The following WDFY3 variants were observed in gnomAD, a reference collection of about 807,000 sequenced individuals.
WDFY3 encodes the protein WD repeat and FYVE domain-containing protein 3.
Under a neutral mutation model 409.6 loss-of-function variants are expected in WDFY3, and 66 were observed. The ratio of observed to expected loss-of-function variants is 0.16; its 90% confidence interval spans 0.13 to 0.20. The LOEUF (loss-of-function observed/expected upper bound fraction) is 0.20, where lower values mean the gene tolerates loss of function less well. Among genes scored for constraint, WDFY3 ranks in the 10% least tolerant of loss-of-function variants. The pLI is 1.00. For missense variants in WDFY3, 3,031 were observed against 4,298.1 expected (o/e 0.71, Z 8.24); for synonymous variants, 1,521 against 1,537.1 (o/e 0.99, Z 0.25).
At chr4:84,735,182 T>G in intron 42 of WDFY3, 62 bp from the exon 43 acceptor site, 1 of 1,446,088 alleles carries the variant, frequency 6.9e-7, no homozygotes, top group Non-Finnish European at 9.5e-7. Flanking sequence ...AATAGTTAAT[T>G]ACCCTTGAAA....
chr4:84,896,009 G>A (rs1411555489), intron 3 of WDFY3, among the ~76,000 whole-genome samples: 1 of 152,086 alleles, frequency 6.6e-6, no homozygotes, highest in Non-Finnish European at 1.5e-5. Flanking sequence ...TGTAATCCCA[G>A]CACTTTGGGA....
At position 84,918,850 on chromosome 4, in the gene WDFY3, CAT is replaced by C. The variant is rs529751700; in HGVS notation, c.-132+13418_-132+13419del. 2.1e-3 allele frequency among the ~76,000 whole-genome samples: 309 copies of C among 149,636 alleles called. 1 individual carries two copies. Among genetic ancestry groups the C allele is most frequent in the African/African-American group, 5.4e-3 (222 of 40,802 alleles). On this transcript the variant is annotated intron_variant, in intron 2 of 67. Transcript: ENST00000295888. The stretch of plus-strand genomic sequence containing the variant: ...ATAGATATATATATACACACACACA[CAT>C]ATATATATATACACACACACATGTG...
At chr4:84,847,489 G>A (rs559953903) in intron 5 of WDFY3, among the ~76,000 whole-genome samples, 7 of 151,482 alleles carry the variant, frequency 4.6e-5, no homozygotes, top group East Asian at 1.9e-4. Context: ...AGAAACCGCC[G>A]GGCGCAGTGG....
chr4:84,751,514 T>C lies in WDFY3; in HGVS notation c.5942A>G (p.Lys1981Arg). 1 of 1,614,242 alleles carries C rather than the reference T, an allele frequency of 6.2e-7. No homozygotes were observed. The highest frequency in any genetic ancestry group is 8.5e-7 in the Non-Finnish European group (1 of 1,180,038). ...IDNLCLTPAS[K>R]QTPLIDLLLE... The stretch of plus-strand genomic sequence containing the variant: ...CAAAAGATCAATTAGTGGAGTTTGC[T>C]TGCTGGCAGGAGTGAGACAGAGGTT... The change falls in exon 36 of 68, where the codon AAG becomes AGG. Residue 1981 changes from lysine (K) to arginine (R), a missense_variant. Physicochemically the swap from Lys to Arg is conservative, Grantham distance 26. Transcript: ENST00000295888.
chr4:84,900,158 A>G (rs1766161311), intron 2 of WDFY3, among the ~76,000 whole-genome samples: 1 of 152,232 alleles, frequency 6.6e-6, no homozygotes, highest in Non-Finnish European at 1.5e-5. Flanking sequence ...GAATGGAAAC[A>G]ACCCAAATGT....
rs562312246 is a variant in WDFY3 at position 84,854,792 on chromosome 4, C to T, written c.181-4767G>A. Among the ~76,000 whole-genome samples the T allele has an allele frequency of 2.2e-4, 33 of 152,230 alleles. No individual in the cohort carries two copies. In the East Asian group the frequency reaches 6.0e-3, roughly 28 times the overall value. On this transcript the variant is annotated intron_variant, in intron 4 of 67. Transcript: ENST00000295888. The stretch of plus-strand genomic sequence containing the variant: ...AGTGTGGTGGCACATGCCTATAGTC[C>T]CAGCCACTTGGGAGGCTGAGGCATA...
intron 22 of WDFY3, among the ~76,000 whole-genome samples, chr4:84,788,965 A>G (rs565231720): frequency 1.5e-4 from 23 of 152,198 alleles, no homozygotes; most frequent in Non-Finnish European, 1.3e-4. Flanking sequence ...GGTTGCGGTG[A>G]GCTGAGATCG....
At chr4:84,718,333 C>T (rs899880803) in intron 48 of WDFY3, 89 bp downstream of exon 48, 10 of 1,428,434 alleles carry the variant, frequency 7.0e-6, no homozygotes, top group Middle Eastern at 2.6e-4. Context: ...ACCTAGAACA[C>T]AATTTTTTGA....
At position 84,821,196 on chromosome 4, in the gene WDFY3, G is replaced by A; in HGVS notation, c.1479C>T (p.Asp493=). 6.2e-7 allele frequency: 1 copy of A among 1,613,726 alleles called. No homozygotes were observed. The highest frequency in any genetic ancestry group is 8.5e-7 in the Non-Finnish European group (1 of 1,179,808). ...MKTLLKFTRH[D]YIFKDVFREV... ...CCCTGAACACGTCTTTAAATATGTAGTCATGTCTTGTAAACTTAAGAAGTG... is the reference window on the plus strand; with the variant it reads ...CCCTGAACACGTCTTTAAATATGTAATCATGTCTTGTAAACTTAAGAAGTG... The change falls in exon 11 of 68, where the codon GAC becomes GAT. Residue 493 remains aspartate, a synonymous_variant. Transcript: ENST00000295888.
rs558928712 is a variant in WDFY3, at chr4:84,676,974, T to C, written c.10457+225A>G. 2.6e-5 allele frequency among the ~76,000 whole-genome samples: 4 copies of C among 152,330 alleles called. No homozygotes were observed. In the South Asian group the frequency reaches 8.3e-4, roughly 32 times the overall value. On this transcript the variant is annotated intron_variant, in intron 67 of 67. Coordinates refer to ENST00000295888, the MANE Select transcript of WDFY3 (RefSeq NM_014991.6). ...AATTAAATACGATGAAATATTAGCA[T>C]ATGTGCATTCTGTGTCATGGATGAC...
chr4:84,815,838 A>G (rs767150976), intron 13 of WDFY3, among the ~76,000 whole-genome samples: 3 of 152,170 alleles, frequency 2.0e-5, no homozygotes, highest in Non-Finnish European at 2.9e-5. Context: ...CGAAATTAAG[A>G]AATATCTTTT....
chr4:84,914,417 A>C (rs1768196495), intron 2 of WDFY3, among the ~76,000 whole-genome samples: 1 of 152,126 alleles, frequency 6.6e-6, no homozygotes, highest in Non-Finnish European at 1.5e-5. Flanking sequence ...CCGTCTCAAA[A>C]ACAAAACAAG....
chr4:84,752,610 G>A (rs2149304618), intron 35 of WDFY3, among the ~76,000 whole-genome samples: 1 of 151,016 alleles, frequency 6.6e-6, no homozygotes, highest in South Asian at 2.1e-4. Context: ...CCAAAAATAA[G>A]GATTCTAAAA....
chr4:84,852,352 C>G (rs1759148689), intron 4 of WDFY3, among the ~76,000 whole-genome samples: 1 of 152,122 alleles, frequency 6.6e-6, no homozygotes, highest in African/African-American at 2.4e-5. Context: ...TATTTTCAGA[C>G]CACAGATGAC....
At chr4:84,828,358 C>T (rs1012556000) in intron 9 of WDFY3, among the ~76,000 whole-genome samples, 10 of 151,466 alleles carry the variant, frequency 6.6e-5, no homozygotes, top group African/African-American at 2.2e-4. Flanking sequence ...ATTCCATCTA[C>T]ATAATTATTC....
In WDFY3 at chr4:84,821,300, G is replaced by T; in HGVS notation, c.1375C>A (p.Pro459Thr). The change falls in exon 11 of 68, where the codon CCT (proline) becomes ACT (threonine). Residue 459 changes from proline to threonine, a missense_variant. Physicochemically the swap from Pro to Thr is conservative, Grantham distance 38. This residue lies in a region of WDFY3 where 1,322 missense variants were observed against 1,697.9 expected (regional missense o/e 0.78). Transcript: ENST00000295888. The part of the protein sequence containing the change: ...EFVVFSLNYI[P>T]CKELISVSIL... The stretch of plus-strand genomic sequence containing the variant: ...CTGACACTAATAAGTTCTTTACAAG[G>T]TATATAATTTAAGCTAAAAACAACA... The T allele has an allele frequency of 1.2e-6, 2 of 1,613,676 alleles. No homozygotes were observed. Among genetic ancestry groups the T allele is most frequent in the Non-Finnish European group, 1.7e-6 (2 of 1,179,796 alleles).
Position 84,751,678 on chromosome 4 carries a change from T to C in WDFY3, c.5778A>G (p.Glu1926=). Residue 1926 remains glutamate, a synonymous_variant, in exon 36 of 68, where the codon GAA becomes GAG. Transcript: ENST00000295888. ...DLDDEVGSPA[E]EFKAFAADTG... is the part of the protein sequence containing the mutation. Reference sequence around the variant, plus strand: ...TGTCTGCTGCAAACGCTTTAAACTCTTCTGCTGGAGATCCAACTTCATCAT... The same window carrying C: ...TGTCTGCTGCAAACGCTTTAAACTCCTCTGCTGGAGATCCAACTTCATCAT... 1 of 1,614,170 alleles carries C rather than the reference T, an allele frequency of 6.2e-7. No individual in the cohort carries two copies. The highest frequency in any genetic ancestry group is 8.5e-7 in the Non-Finnish European group (1 of 1,180,026).
chr4:84,925,386 A>G (rs2150904856), intron 2 of WDFY3, among the ~76,000 whole-genome samples: 1 of 152,310 alleles, frequency 6.6e-6, no homozygotes, highest in South Asian at 2.1e-4. Context: ...TGACTTCACT[A>G]GGCAGACCCA....
At chr4:84,790,995 T>C (rs1299228331) in intron 21 of WDFY3, among the ~76,000 whole-genome samples, 2 of 152,018 alleles carry the variant, frequency 1.3e-5, no homozygotes, top group South Asian at 4.1e-4. Context: ...CTGGAACCCT[T>C]GCGCACTGTT....
Sources: allele counts gnomAD v4.1 joint callset (sites outside exome capture counted in the v4.1 genomes callset), GRCh38; gene constraint gnomAD v4.1.1; regional missense constraint gnomAD v4.1.1; transcripts MANE v1.5; gene names NCBI Gene and HGNC (gene_info 2026-07-23, HGNC 2026-07-21).